The following ZNF804A variants were observed in gnomAD, a reference collection of about 807,000 sequenced individuals.
ZNF804A encodes zinc finger protein 804A.
Under a neutral mutation model 16.5 loss-of-function variants are expected in ZNF804A, and 2 were observed. The ratio of observed to expected loss-of-function variants is 0.12; its 90% CI spans 0.05 to 0.38. ZNF804A has a LOEUF of 0.38. Ranked by LOEUF, ZNF804A falls within the 10% of genes least tolerant of loss-of-function variation. ZNF804A has a pLI of 0.99. For synonymous variants in ZNF804A, 534 were observed against 489.6 expected (o/e 1.09, Z -1.20); for missense variants, 1,473 against 1,390.7 (o/e 1.06, Z -0.94).
intron 2 of ZNF804A, among the ~76,000 whole-genome samples, chr2:184,885,705 C>A (rs2105819752): frequency 6.6e-6 from 1 of 152,220 alleles, no homozygotes. Context: ...TACATGGCGG[C>A]AGCAAGAGAA....
chr2:184,860,002 C>A (rs563620576), intron 1 of ZNF804A, among the ~76,000 whole-genome samples: 4 of 152,288 alleles, frequency 2.6e-5, no homozygotes, highest in East Asian at 1.9e-4. Flanking sequence ...GAAAATGGAG[C>A]CTTAACTCCA....
intron 2 of ZNF804A, among the ~76,000 whole-genome samples, chr2:184,871,836 T>C (rs1210927062): frequency 6.6e-6 from 1 of 151,930 alleles, no homozygotes; most frequent in Non-Finnish European, 1.5e-5. Flanking sequence ...AAGTAGGAAA[T>C]GAAAGATCTT....
intron 1 of ZNF804A, among the ~76,000 whole-genome samples, chr2:184,835,629 G>A (rs942477941): frequency 1.3e-5 from 2 of 149,386 alleles, no homozygotes; most frequent in Non-Finnish European, 3.0e-5. Context: ...GAACACAAAT[G>A]AGAGAGAAAT....
intron 1 of ZNF804A, among the ~76,000 whole-genome samples, chr2:184,854,651 G>T (rs1261210254): frequency 6.6e-6 from 1 of 152,012 alleles, no homozygotes; most frequent in African/African-American, 2.4e-5. Flanking sequence ...AGAGTATGAT[G>T]TTGGAATGAC....
At chr2:184,775,991 TA>T (rs1293502552) in intron 1 of ZNF804A, among the ~76,000 whole-genome samples, 1 of 151,586 alleles carries the variant, frequency 6.6e-6, no homozygotes, top group East Asian at 1.9e-4. Context: ...ATAGTGTTTA[TA>T]AAACTGATAG....
At chr2:184,894,630 A>G (rs969994567) in intron 2 of ZNF804A, among the ~76,000 whole-genome samples, 1 of 152,074 alleles carries the variant, frequency 6.6e-6, no homozygotes, top group South Asian at 2.1e-4. Context: ...ATTATTATAT[A>G]TTACACGTTA....
chr2:184,721,960 T>C (rs892675946), intron 1 of ZNF804A, among the ~76,000 whole-genome samples: 3 of 152,072 alleles, frequency 2.0e-5, no homozygotes, highest in African/African-American at 7.2e-5. Context: ...GAGGGCATTA[T>C]GTTAGGTGAA....
intron 1 of ZNF804A, among the ~76,000 whole-genome samples, chr2:184,647,288 T>C (rs1691894384): frequency 6.6e-6 from 1 of 152,220 alleles, no homozygotes; most frequent in Admixed American, 6.5e-5. Flanking sequence ...TAATTGCCGT[T>C]ATCTCCAGAT....
chr2:184,720,904 G>A (rs1283499710), intron 1 of ZNF804A, among the ~76,000 whole-genome samples: 5 of 152,056 alleles, frequency 3.3e-5, no homozygotes, highest in Non-Finnish European at 2.9e-5. Context: ...GATACATAAA[G>A]CAATGCAATA....
chr2:184,788,650 A>G (rs1354934487), intron 1 of ZNF804A, among the ~76,000 whole-genome samples: 1 of 152,088 alleles, frequency 6.6e-6, no homozygotes, highest in Admixed American at 6.6e-5. Context: ...TTATTGGTGT[A>G]TACAAATGCT....
At chr2:184,639,507 T>C (rs1691758565) in intron 1 of ZNF804A, among the ~76,000 whole-genome samples, 1 of 152,318 alleles carries the variant, frequency 6.6e-6, no homozygotes, top group Non-Finnish European at 1.5e-5. Flanking sequence ...CCATTTGATA[T>C]TGATGTTCTT....
intron 1 of ZNF804A, among the ~76,000 whole-genome samples, chr2:184,796,017 A>C (rs1254814274): frequency 6.6e-6 from 1 of 152,032 alleles, no homozygotes; most frequent in Non-Finnish European, 1.5e-5. Context: ...GGTGAATCAC[A>C]TTTATTGACT....
intron 2 of ZNF804A, among the ~76,000 whole-genome samples, chr2:184,877,871 A>T (rs756807644): frequency 1.3e-5 from 2 of 152,132 alleles, no homozygotes; most frequent in Admixed American, 6.6e-5. Context: ...CTTGTTGAAA[A>T]AATAATATGA....
At chr2:184,617,186 G>A (rs991853580) in intron 1 of ZNF804A, among the ~76,000 whole-genome samples, 4 of 152,020 alleles carry the variant, frequency 2.6e-5, no homozygotes, top group African/African-American at 7.2e-5. Context: ...TACAGAATGG[G>A]TGGAAATGTA....
chr2:184,892,564 A>C (rs1436745941), intron 2 of ZNF804A, among the ~76,000 whole-genome samples: 2 of 140,110 alleles, frequency 1.4e-5, no homozygotes, highest in Non-Finnish European at 3.0e-5. Flanking sequence ...GGCTTACTGC[A>C]ACCTCCGCCT....
At chr2:184,826,601 A>T (rs974222293) in intron 1 of ZNF804A, among the ~76,000 whole-genome samples, 1 of 152,098 alleles carries the variant, frequency 6.6e-6, no homozygotes, top group African/African-American at 2.4e-5. Context: ...CTTTTTATTA[A>T]TTGACTTCAC....
rs148009231 is a variant in ZNF804A at position 184,903,237 on chromosome 2, T to A, written c.256-30366T>A. Among the ~76,000 whole-genome samples, 6 of 152,292 alleles carry A rather than the reference T, an allele frequency of 3.9e-5. No individual in the cohort carries two copies. The East Asian group carries it at 1.2e-3, about 29-fold the overall frequency. ...CTGACTCAGTAGAAATCTCCACATA[T>A]AGAATAAAGATTACTTCAAAAATAC... On this transcript the variant is annotated intron_variant, in intron 2 of 3. Coordinates refer to ENST00000302277, the MANE Select transcript of ZNF804A (RefSeq NM_194250.2).
intron 1 of ZNF804A, among the ~76,000 whole-genome samples, chr2:184,740,832 T>C (rs1176225363): frequency 1.3e-5 from 2 of 152,158 alleles, no homozygotes; most frequent in Non-Finnish European, 2.9e-5. Context: ...TATTCACTTA[T>C]CTTCACCACT....
At chr2:184,627,406 C>A (rs1005685100) in intron 1 of ZNF804A, among the ~76,000 whole-genome samples, 1 of 152,016 alleles carries the variant, frequency 6.6e-6, no homozygotes, top group African/African-American at 2.4e-5. Flanking sequence ...CTGAAAAGTT[C>A]TATTGTGATA....
Sources: allele counts gnomAD v4.1 joint callset (sites outside exome capture counted in the v4.1 genomes callset), GRCh38; gene constraint gnomAD v4.1.1; transcripts MANE v1.5; gene names NCBI Gene and HGNC (gene_info 2026-07-23, HGNC 2026-07-21).